Variants in NSD2 observed in about 807,000 individuals in gnomAD.
NSD2 encodes the protein histone-lysine N-methyltransferase NSD2.
Under a neutral mutation model 139.0 loss-of-function variants are expected in NSD2, and 12 were observed. The ratio of observed to expected loss-of-function variants is 0.09; its 90% confidence interval spans 0.06 to 0.14. The LOEUF (loss-of-function observed/expected upper bound fraction) is 0.14, where lower values mean the gene tolerates loss of function less well. Among genes scored for constraint, NSD2 ranks in the 10% least tolerant of loss-of-function variants. The pLI is 1.00. For missense variants in NSD2, 1,155 were observed against 1,745.0 expected (o/e 0.66, Z 6.02); for synonymous variants, 669 against 648.7 (o/e 1.03, Z -0.48).
At chr4:1,875,801 C>T (rs1182551106) in intron 1 of NSD2, among the ~76,000 whole-genome samples, 2 of 150,474 alleles carry the variant, frequency 1.3e-5, no homozygotes, top group South Asian at 2.1e-4. Flanking sequence ...CCCAGCTACT[C>T]GGGAGGCTGA....
chr4:1,874,144 G>T (rs1282182398), intron 1 of NSD2, among the ~76,000 whole-genome samples: 1 of 152,196 alleles, frequency 6.6e-6, no homozygotes, highest in African/African-American at 2.4e-5. Context: ...TACGTGTTTG[G>T]TTTTGCCTTT....
rs532894094 is a variant in NSD2, at chr4:1,981,727, T to C, written c.*2818T>C. 6 of 396,736 alleles carry C rather than the reference T, an allele frequency of 1.5e-5. No homozygotes were observed. Among genetic ancestry groups the C allele is most frequent in the Admixed American group, 8.8e-5 (2 of 22,700 alleles). The allele number at this position is 396,736 out of a possible 1,614,324, so 24.6% of individuals were successfully genotyped here. On this transcript the variant is annotated 3_prime_UTR_variant, in exon 22 of 22. Coordinates refer to ENST00000508803, the MANE Select transcript of NSD2 (RefSeq NM_001042424.3). Reference sequence around the variant, plus strand: ...GTCTTGACATCTAAACCCCGGCGTGTGCAGTGCCCATCTTCCAGGACTACC... The same window carrying C: ...GTCTTGACATCTAAACCCCGGCGTGCGCAGTGCCCATCTTCCAGGACTACC...
At chr4:1,957,835 A>G (rs922229806) in intron 15 of NSD2, 98 bp from the exon 16 acceptor site, 13 of 1,140,438 alleles carry the variant, frequency 1.1e-5, no homozygotes, top group Admixed American at 2.4e-5. Flanking sequence ...AACTATACTT[A>G]ACATTGAAAG....
intron 18 of NSD2, among the ~76,000 whole-genome samples, chr4:1,962,202 G>A (rs976695846): frequency 3.9e-5 from 6 of 152,234 alleles, no homozygotes; most frequent in African/African-American, 7.2e-5. Context: ...GGAGCACTGG[G>A]CTCTGTGTCA....
At chr4:1,945,994 G>C in intron 9 of NSD2, 2 of 1,046,962 alleles carry the variant, frequency 1.9e-6, no homozygotes, top group Non-Finnish European at 2.3e-6. Context: ...ATACAGACCA[G>C]GTGAGAGCCC....
At chr4:1,947,281 A>G in intron 9 of NSD2, 1 of 1,062,868 alleles carries the variant, frequency 9.4e-7, no homozygotes, top group Non-Finnish European at 1.1e-6. Flanking sequence ...TTGAATTGGG[A>G]GCAGCAGCCA....
At chr4:1,917,152 ATC>A in intron 4 of NSD2, 115 bp downstream of exon 4, 1 of 1,061,304 alleles carries the variant, frequency 9.4e-7, no homozygotes, top group Non-Finnish European at 1.3e-6. Context: ...TGGCTTAACA[ATC>A]TCTTTCATTG....
chr4:1,943,309 G>C, intron 9 of NSD2: 1 of 1,043,770 alleles, frequency 9.6e-7, no homozygotes, highest in Non-Finnish European at 1.2e-6. Context: ...GAACGTTTCT[G>C]ACTAATATTT....
chr4:1,943,547 C>G (rs1459530626), intron 9 of NSD2: 2 of 1,050,708 alleles, frequency 1.9e-6, no homozygotes, highest in Non-Finnish European at 2.3e-6. Context: ...TGGCAGAACA[C>G]TGGATTTGTG....
intron 21 of NSD2, among the ~76,000 whole-genome samples, chr4:1,977,865 C>G (rs1727269083): frequency 6.6e-6 from 1 of 150,974 alleles, no homozygotes; most frequent in Non-Finnish European, 1.5e-5. Context: ...GTGGCTCATG[C>G]CTCTAATCCC....
At chr4:1,932,966 G>A (rs998183924) in intron 6 of NSD2, among the ~76,000 whole-genome samples, 1 of 152,192 alleles carries the variant, frequency 6.6e-6, no homozygotes, top group African/African-American at 2.4e-5. Context: ...GGGGGGCCTC[G>A]AGAGTTTGGC....
rs527314300 is a variant in NSD2, at chr4:1,981,700, C to G, written c.*2791C>G. The stretch of plus-strand genomic sequence containing the variant: ...GCTGGGTCCCCTTCGCAGTGTTTGT[C>G]TGTCTTGACATCTAAACCCCGGCGT... On this transcript the variant is annotated 3_prime_UTR_variant, in exon 22 of 22. Coordinates refer to ENST00000508803, the MANE Select transcript of NSD2 (RefSeq NM_001042424.3). 2.5e-6 allele frequency: 1 copy of G among 395,508 alleles called. No homozygotes were observed. Among genetic ancestry groups the G allele is most frequent in the Admixed American group, 4.4e-5 (1 of 22,636 alleles). 24.5% of individuals were successfully genotyped at this position (395,508 alleles called of 1,614,324 possible).
At chr4:1,966,659 A>AC (rs1455712457) in intron 18 of NSD2, among the ~76,000 whole-genome samples, 1 of 150,668 alleles carries the variant, frequency 6.6e-6, no homozygotes, top group Non-Finnish European at 1.5e-5. Context: ...TCTGTCTCAA[A>AC]AAAAAAAAAA....
Position 1,918,534 on chromosome 4 carries a change from A to T in NSD2, c.1321A>T (p.Arg441Trp), listed in dbSNP as rs1258951493. 6.2e-7 allele frequency: 1 copy of T among 1,613,768 alleles called. No individual in the cohort carries two copies. ...AAGAGGAGTAGGGTCTCCTCCTGGGAGGAAGAAGACCACAGTCTCCATGCC... is the reference window on the plus strand; with the variant it reads ...AAGAGGAGTAGGGTCTCCTCCTGGGTGGAAGAAGACCACAGTCTCCATGCC... The part of the protein sequence containing the change: ...PRRGVGSPPG[R>W]KKTTVSMPRS... Residue 441 changes from arginine (R) to tryptophan (W), a missense_variant, in exon 5 of 22, where the codon AGG (arginine) becomes TGG (tryptophan). By Grantham distance (101) the Arg-to-Trp change is moderately radical. Transcript: ENST00000508803.
At chr4:1,878,328 G>A (rs551671276) in intron 1 of NSD2, among the ~76,000 whole-genome samples, 22 of 131,498 alleles carry the variant, frequency 1.7e-4, no homozygotes, top group African/African-American at 2.3e-4. Flanking sequence ...GGCTGGTCTC[G>A]AACTCCTGAC....
chr4:1,910,332 T>A (rs894016737), intron 3 of NSD2, among the ~76,000 whole-genome samples: 1 of 152,038 alleles, frequency 6.6e-6, no homozygotes, highest in Admixed American at 6.6e-5. Context: ...TTCAAGTGAT[T>A]CTCCTGCCGC....
intron 1 of NSD2, among the ~76,000 whole-genome samples, chr4:1,898,089 C>CT (rs935304323): frequency 1.3e-5 from 2 of 151,968 alleles, no homozygotes; most frequent in Non-Finnish European, 2.9e-5. Flanking sequence ...GCTCTGCTTC[C>CT]TTTTTTTCCC....
Position 1,900,704 on chromosome 4 carries a change from A to G in NSD2, c.50A>G (p.Lys17Arg). 6.2e-7 allele frequency: 1 copy of G among 1,612,786 alleles called. No homozygotes were observed. Among genetic ancestry groups the G allele is most frequent in the Non-Finnish European group, 8.5e-7 (1 of 1,179,302 alleles). The change falls in exon 2 of 22, where the codon AAG (lysine) becomes AGG (arginine). Residue 17 changes from lysine (K) to arginine (R), a missense_variant. Lys to Arg is a conservative substitution (Grantham distance 26). This residue lies in a region of NSD2 where 246 missense variants were observed against 262.8 expected (regional missense o/e 0.94). Coordinates refer to ENST00000508803, the MANE Select transcript of NSD2 (RefSeq NM_001042424.3). ...QSPLSVQSVV[K>R]CIKMKQAPEI... ...CCCCTTTCTGTTCAGAGTGTTGTAA[A>G]GTGCATAAAGATGAAGCAGGCACCA...
chr4:1,911,459 G>A (rs1195004118), intron 3 of NSD2, among the ~76,000 whole-genome samples: 1 of 151,776 alleles, frequency 6.6e-6, no homozygotes, highest in Non-Finnish European at 1.5e-5. Context: ...GTGGTCCCAG[G>A]CGCCTGTAAT....
Sources: gnomAD v4.1 joint callset for allele counts (sites outside exome capture counted in the v4.1 genomes callset) on GRCh38, gnomAD v4.1.1 for gene constraint, gnomAD v4.1.1 regional missense constraint, MANE v1.5 for transcripts, NCBI Gene and HGNC (gene_info 2026-07-23, HGNC 2026-07-21) for gene names.